Variants in L3MBTL3 observed in about 807,000 individuals in gnomAD.
The protein encoded by L3MBTL3 is lethal(3)malignant brain tumor-like protein 3.
In L3MBTL3, 27 loss-of-function variants were observed where a neutral mutation model predicts 102.3. The observed-to-expected ratio is 0.26, with a 90% CI of 0.19 to 0.36. L3MBTL3 has a LOEUF of 0.36. Ranked by LOEUF, L3MBTL3 falls within the 10% of genes least tolerant of loss-of-function variation. The pLI is 1.00. For missense variants in L3MBTL3, 798 were observed against 955.3 expected, an observed-to-expected ratio of 0.84 and a Z score of 2.17; for synonymous variants, 340 against 320.9, an observed-to-expected ratio of 1.06 and a Z score of -0.64.
At chr6:130,027,976 C>G (rs866735602) in intron 2 of L3MBTL3, among the ~76,000 whole-genome samples, 1 of 151,494 alleles carries the variant, frequency 6.6e-6, no homozygotes, top group Non-Finnish European at 1.5e-5. Flanking sequence ...ATAGTCTGCA[C>G]GTTGAACATG....
At chr6:130,111,964 G>T (rs1340344652) in intron 19 of L3MBTL3, among the ~76,000 whole-genome samples, 1 of 152,140 alleles carries the variant, frequency 6.6e-6, no homozygotes, top group Admixed American at 6.5e-5. Flanking sequence ...GTCTCTGCAG[G>T]CTCTTTTTTC....
chr6:130,137,487 A>G (rs1464481007), intron 22 of L3MBTL3: 1 of 152,214 alleles, frequency 6.6e-6, no homozygotes, highest in East Asian at 1.9e-4. Flanking sequence ...TGTAATAAAG[A>G]GTTTGGAAGT....
At chr6:130,044,541 C>A (rs890624604) in intron 3 of L3MBTL3, among the ~76,000 whole-genome samples, 1 of 152,112 alleles carries the variant, frequency 6.6e-6, no homozygotes, top group African/African-American at 2.4e-5. Flanking sequence ...TAACCTATTA[C>A]TTGTATTAAG....
At chr6:130,073,065 G>A (rs1460592129) in intron 13 of L3MBTL3, among the ~76,000 whole-genome samples, 1 of 152,002 alleles carries the variant, frequency 6.6e-6, no homozygotes, top group Non-Finnish European at 1.5e-5. Flanking sequence ...CCTATTTACT[G>A]TGTTCTTCTG....
At chr6:130,020,340 G>A (rs1248259072) in intron 1 of L3MBTL3, among the ~76,000 whole-genome samples, 4 of 151,818 alleles carry the variant, frequency 2.6e-5, no homozygotes, top group Non-Finnish European at 5.9e-5. Flanking sequence ...GCCGCCGGGC[G>A]GGGAGAAAAA....
intron 19 of L3MBTL3, among the ~76,000 whole-genome samples, chr6:130,106,312 G>A (rs146450621): frequency 2.0e-3 from 305 of 152,170 alleles, no homozygotes; most frequent in Middle Eastern, 0.014. Context: ...TCTTTTCACT[G>A]TTTTTGTAAC....
intron 22 of L3MBTL3, chr6:130,137,547 A>G (rs1276949247): frequency 5.3e-5 from 8 of 151,890 alleles, no homozygotes; most frequent in Non-Finnish European, 1.0e-4. Flanking sequence ...ATAAATAACA[A>G]CCTACCAAAA....
At position 130,055,969 on chromosome 6, in the gene L3MBTL3, C is replaced by A. The variant is rs111663280; in HGVS notation, c.667+714C>A. Reference sequence around the variant, plus strand: ...TCGAGATGGATTCTCACTCTGTCACCCAGGCTGAAGTATGGTGGCGCAATC... The same window carrying A: ...TCGAGATGGATTCTCACTCTGTCACACAGGCTGAAGTATGGTGGCGCAATC... On this transcript the variant is annotated intron_variant, in intron 8 of 22. Transcript: ENST00000361794. 9.6e-3 allele frequency among the ~76,000 whole-genome samples: 1,437 copies of A among 149,802 alleles called. 25 individuals are homozygous for A. The highest frequency in any genetic ancestry group is 0.034 in the African/African-American group (1,368 of 40,578).
intron 9 of L3MBTL3, among the ~76,000 whole-genome samples, chr6:130,057,747 A>G (rs1409361664): frequency 6.6e-6 from 1 of 152,200 alleles, no homozygotes; most frequent in Non-Finnish European, 1.5e-5. Context: ...TGGGCTTGCT[A>G]TCATGAATTT....
Position 130,140,428 on chromosome 6 carries a change from T to C in L3MBTL3, c.*675T>C, listed in dbSNP as rs1363220444. The stretch of plus-strand genomic sequence containing the variant: ...CTTTTCACCAGCATCTTTACTATAA[T>C]TACCAAAAACATGTATATAAAAGAA... On this transcript the variant is annotated 3_prime_UTR_variant, in exon 23 of 23. Coordinates refer to ENST00000361794, the MANE Select transcript of L3MBTL3 (RefSeq NM_032438.4). 1 of 152,244 alleles carries C rather than the reference T, an allele frequency of 6.6e-6. No individual in the cohort carries two copies. Among genetic ancestry groups the C allele is most frequent in the East Asian group, 1.9e-4 (1 of 5,194 alleles). The allele number at this position is 152,244 out of a possible 1,614,324, so 9.4% of individuals were successfully genotyped here.
Position 130,056,619 on chromosome 6 carries a change from G to A in L3MBTL3, c.668-787G>A, listed in dbSNP as rs559933384. ...CTATTTTACATCACTGAGATGAAGG[G>A]TGTAAATTCCTCAGTTCCTCTGCAC... On this transcript the variant is annotated intron_variant, in intron 8 of 22. Coordinates refer to ENST00000361794, the MANE Select transcript of L3MBTL3 (RefSeq NM_032438.4). Among the ~76,000 whole-genome samples, 11 of 152,296 alleles carry A rather than the reference G, an allele frequency of 7.2e-5. No individual in the cohort carries two copies. The East Asian group carries it at 1.9e-3, about 27-fold the overall frequency.
intron 20 of L3MBTL3, among the ~76,000 whole-genome samples, chr6:130,121,981 G>A (rs1414848703): frequency 6.6e-6 from 1 of 152,194 alleles, no homozygotes; most frequent in Non-Finnish European, 1.5e-5. Context: ...CGGAGGCAGA[G>A]GTTGCAGTGA....
intron 2 of L3MBTL3, among the ~76,000 whole-genome samples, chr6:130,032,681 A>G (rs1043016792): frequency 6.6e-6 from 1 of 152,200 alleles, no homozygotes; most frequent in Non-Finnish European, 1.5e-5. Context: ...CATTTTACAC[A>G]TGGGGAAATT....
At chr6:130,071,742 A>G (rs1782652166) in intron 13 of L3MBTL3, among the ~76,000 whole-genome samples, 1 of 152,160 alleles carries the variant, frequency 6.6e-6, no homozygotes, top group African/African-American at 2.4e-5. Flanking sequence ...AGATATCTTT[A>G]TAAAATACAA....
rs1298007159 is a variant in L3MBTL3 at position 130,108,867 on chromosome 6, C to T, written c.1886+4292C>T. On this transcript the variant is annotated intron_variant, in intron 19 of 22. Coordinates refer to ENST00000361794, the MANE Select transcript of L3MBTL3 (RefSeq NM_032438.4). ...TCTCCCTCCCCTTGCCCCTGTCCCCCGCTGACAGGCCCCCGTGTGTGATGT... is the reference window on the plus strand; with the variant it reads ...TCTCCCTCCCCTTGCCCCTGTCCCCTGCTGACAGGCCCCCGTGTGTGATGT... Among the ~76,000 whole-genome samples, 8 of 152,026 alleles carry T rather than the reference C, an allele frequency of 5.3e-5. No homozygotes were observed. In the East Asian group the frequency reaches 7.7e-4, roughly 15 times the overall value.
intron 19 of L3MBTL3, among the ~76,000 whole-genome samples, chr6:130,107,414 A>G (rs993592618): frequency 4.6e-5 from 7 of 152,204 alleles, no homozygotes; most frequent in African/African-American, 1.7e-4. Flanking sequence ...GTTGAAAAAT[A>G]AAAAAGGTTA....
Position 130,077,350 on chromosome 6 carries a change from A to G in L3MBTL3, c.1245-1208A>G, listed in dbSNP as rs562750344. Reference sequence around the variant, plus strand: ...TATGAAAATATGTATTGTAAAAAATATAGTGATTGCAGCATGAACTTGGCA... The same window carrying G: ...TATGAAAATATGTATTGTAAAAAATGTAGTGATTGCAGCATGAACTTGGCA... On this transcript the variant is annotated intron_variant, in intron 13 of 22. Coordinates refer to ENST00000361794, the MANE Select transcript of L3MBTL3 (RefSeq NM_032438.4). Among the ~76,000 whole-genome samples, 6 of 152,326 alleles carry G rather than the reference A, an allele frequency of 3.9e-5. No homozygotes were observed. In the South Asian group the frequency reaches 1.0e-3, roughly 26 times the overall value.
At chr6:130,020,369 G>T (rs1778906796) in intron 1 of L3MBTL3, 1 of 152,150 alleles carries the variant, frequency 6.6e-6, no homozygotes, top group East Asian at 2.0e-4. Context: ...CCCTGGAAGG[G>T]GAGGAGGGCA....
intron 8 of L3MBTL3, among the ~76,000 whole-genome samples, 193 bp from the exon 9 acceptor site, chr6:130,057,213 G>C (rs1421716944): frequency 6.6e-6 from 1 of 152,140 alleles, no homozygotes; most frequent in Non-Finnish European, 1.5e-5. Context: ...CCTCCTCACT[G>C]TAGGTGCAAA....
Sources: gnomAD v4.1 joint callset for allele counts (sites outside exome capture counted in the v4.1 genomes callset) on GRCh38, gnomAD v4.1.1 for gene constraint, MANE v1.5 for transcripts, NCBI Gene and HGNC (gene_info 2026-07-23, HGNC 2026-07-21) for gene names.